Variants in MSH3 observed in about 807,000 individuals in gnomAD.
MSH3 encodes the protein mutS homolog 3.
MSH3 carries 106 observed loss-of-function variants against 123.3 expected under a neutral mutation model. That is an observed-to-expected ratio of 0.86 (90% CI 0.73 to 1.01). MSH3 has a LOEUF of 1.01. Ranked by LOEUF, MSH3 falls within the 50% of genes least tolerant of loss-of-function variation. The pLI is 0.00. For missense variants in MSH3, 1,459 were observed against 1,347.6 expected (o/e 1.08, Z -1.29); for synonymous variants, 515 against 481.4 (o/e 1.07, Z -0.91).
intron 20 of MSH3, among the ~76,000 whole-genome samples, chr5:80,843,177 A>G (rs1745657364): frequency 6.6e-6 from 1 of 151,660 alleles, no homozygotes; most frequent in Admixed American, 6.6e-5. Context: ...GGTTTTTGTC[A>G]TTGGTTCTGT....
chr5:80,708,258 A>G (rs1750764820), intron 8 of MSH3, among the ~76,000 whole-genome samples: 1 of 152,058 alleles, frequency 6.6e-6, no homozygotes, highest in Admixed American at 6.5e-5. Flanking sequence ...TTTTAGTTCT[A>G]TAGTTTTAGC....
intron 10 of MSH3, among the ~76,000 whole-genome samples, chr5:80,736,853 C>A (rs1010436980): frequency 6.6e-6 from 1 of 152,238 alleles, no homozygotes; most frequent in African/African-American, 2.4e-5. Context: ...CTTGGATGCC[C>A]GGTTCCCCCT....
rs190901426 is a variant in MSH3 at position 80,846,354 on chromosome 5, G to A, written c.2814-7776G>A. Among the ~76,000 whole-genome samples the A allele has an allele frequency of 1.2e-3, 175 of 151,872 alleles. 1 individual carries two copies. Among genetic ancestry groups the A allele is most frequent in the Non-Finnish European group, 2.0e-3 (138 of 67,974 alleles). On this transcript the variant is annotated intron_variant, in intron 20 of 23. Coordinates refer to ENST00000265081, the MANE Select transcript of MSH3 (RefSeq NM_002439.5). ...GAGGTGTCTCCCAGTCAGGCTACAC[G>A]GGGTTTTGGGACCCGCTTGAGGAGG... is the stretch of plus-strand genomic sequence containing the variant.
chr5:80,801,579 G>GA (rs1442316046), intron 19 of MSH3, among the ~76,000 whole-genome samples: 1 of 152,244 alleles, frequency 6.6e-6, no homozygotes, highest in East Asian at 1.9e-4. Context: ...GTGGGGGCTG[G>GA]AAAAAATCTG....
intron 8 of MSH3, among the ~76,000 whole-genome samples, chr5:80,682,408 T>G (rs751315350): frequency 6.6e-6 from 1 of 152,074 alleles, no homozygotes; most frequent in Non-Finnish European, 1.5e-5. Flanking sequence ...GAGGAAGTTT[T>G]TTTTTTTATA....
At chr5:80,732,311 G>T (rs749446885) in intron 10 of MSH3, among the ~76,000 whole-genome samples, 1 of 152,076 alleles carries the variant, frequency 6.6e-6, no homozygotes, top group Non-Finnish European at 1.5e-5. Context: ...ACTTCAAAAA[G>T]ATATTGGAAA....
rs551795003 is a variant in MSH3 at position 80,699,075 on chromosome 5, G to A, written c.1340+19982G>A. ...GACAGAGACTGAGCTGAGATGGCTGGTGATGGGGACCGTAGCCTAGTGACC... is the reference window on the plus strand; with the variant it reads ...GACAGAGACTGAGCTGAGATGGCTGATGATGGGGACCGTAGCCTAGTGACC... On this transcript the variant is annotated intron_variant, in intron 8 of 23. Transcript: ENST00000265081. 9.2e-5 allele frequency among the ~76,000 whole-genome samples: 14 copies of A among 152,306 alleles called. No individual in the cohort carries two copies. In the East Asian group the frequency reaches 2.7e-3, roughly 29 times the overall value.
chr5:80,859,878 A>G (rs963744147), intron 21 of MSH3, among the ~76,000 whole-genome samples: 3 of 149,816 alleles, frequency 2.0e-5, no homozygotes, highest in African/African-American at 7.4e-5. Flanking sequence ...GTGCCCAGCT[A>G]TTTTCTCTCC....
At chr5:80,805,158 A>G (rs1395124725) in intron 19 of MSH3, among the ~76,000 whole-genome samples, 1 of 152,242 alleles carries the variant, frequency 6.6e-6, no homozygotes, top group East Asian at 1.9e-4. Flanking sequence ...ATAGATGCCA[A>G]AGCAAAGCAC....
At chr5:80,700,614 A>G (rs1750587247) in intron 8 of MSH3, among the ~76,000 whole-genome samples, 1 of 151,868 alleles carries the variant, frequency 6.6e-6, no homozygotes, top group Non-Finnish European at 1.5e-5. Flanking sequence ...AGCAATTTTA[A>G]TGGATGTGCT....
intron 10 of MSH3, among the ~76,000 whole-genome samples, chr5:80,739,888 A>G (rs569384640): frequency 2.0e-5 from 3 of 152,308 alleles, no homozygotes; most frequent in Admixed American, 1.3e-4. Context: ...TAGGTTCTCT[A>G]AAGTTCTGGG....
Position 80,654,961 on chromosome 5 carries a change from CATA to C in MSH3, c.235_237del (p.Ile79del). The stretch of plus-strand genomic sequence containing the variant: ...CCTTCCCGCCCCAGCTGCCGCCGCA[CATA>C]GTAGGTTCTGTCTGGGACTGGGCAG... On this transcript the variant is annotated inframe_deletion and splice_region_variant, in exon 1 of 24. Transcript: ENST00000265081. 1.4e-6 allele frequency: 2 copies of C among 1,475,340 alleles called. No individual in the cohort carries two copies. The highest frequency in any genetic ancestry group is 1.3e-5 in the South Asian group (1 of 76,234). 91.4% of individuals were successfully genotyped at this position (1,475,340 alleles called of 1,614,324 possible).
At chr5:80,810,572 C>T (rs945364674) in intron 19 of MSH3, among the ~76,000 whole-genome samples, 5 of 152,090 alleles carry the variant, frequency 3.3e-5, no homozygotes, top group Non-Finnish European at 7.4e-5. Context: ...GTCTACTGTG[C>T]TGCAGTGTCA....
chr5:80,813,543 C>T (rs1446981696), intron 19 of MSH3, 41 bp from the exon 20 acceptor site: 1 of 1,610,034 alleles, frequency 6.2e-7, no homozygotes, highest in Non-Finnish European at 8.5e-7. Context: ...TTATCAAAAA[C>T]TTTTCTGGTA....
At chr5:80,812,123 G>A (rs1016273051) in intron 19 of MSH3, among the ~76,000 whole-genome samples, 1 of 152,184 alleles carries the variant, frequency 6.6e-6, no homozygotes, top group Admixed American at 6.5e-5. Flanking sequence ...GGAGCCTTAA[G>A]AGAAAGGAAT....
chr5:80,813,583 G>A lies in MSH3; in HGVS notation c.2656-1G>A. ...AAGTGAAATTCCTTTCTAATTTTCAGGAGGACTCAGAGAGAGTAATGATAA... is the reference window on the plus strand; with the variant it reads ...AAGTGAAATTCCTTTCTAATTTTCAAGAGGACTCAGAGAGAGTAATGATAA... On this transcript the variant is annotated splice_acceptor_variant, in intron 19 of 23. Transcript: ENST00000265081. LOFTEE classifies it high-confidence loss of function. The A allele has an allele frequency of 6.2e-7, 1 of 1,613,990 alleles. No individual in the cohort carries two copies. The highest frequency in any genetic ancestry group is 1.7e-5 in the Admixed American group (1 of 60,020).
intron 12 of MSH3, among the ~76,000 whole-genome samples, chr5:80,750,346 A>G (rs1743811190): frequency 6.6e-6 from 1 of 152,130 alleles, no homozygotes; most frequent in Non-Finnish European, 1.5e-5. Flanking sequence ...ACTGATTTAT[A>G]ATACCACCAA....
intron 19 of MSH3, among the ~76,000 whole-genome samples, chr5:80,801,196 T>G (rs1418822467): frequency 6.6e-6 from 1 of 152,116 alleles, no homozygotes; most frequent in Non-Finnish European, 1.5e-5. Context: ...AAAAAACAAG[T>G]TCTGTTTTAC....
intron 20 of MSH3, among the ~76,000 whole-genome samples, chr5:80,850,299 C>G (rs997297110): frequency 2.6e-5 from 4 of 152,186 alleles, no homozygotes; most frequent in African/African-American, 4.8e-5. Context: ...CAAACTGTTG[C>G]AACCTCTGTC....
Sources: allele counts gnomAD v4.1 joint callset (sites outside exome capture counted in the v4.1 genomes callset), GRCh38; gene constraint gnomAD v4.1.1; transcripts MANE v1.5; gene names NCBI Gene and HGNC (gene_info 2026-07-23, HGNC 2026-07-21).